TCF7L1: variants seen among roughly 807,000 people sequenced by gnomAD.
The protein encoded by TCF7L1 is transcription factor 7 like 1, also known as transcription factor 7-like 1.
A neutral mutation model predicts 63.7 loss-of-function variants in TCF7L1; 18 were observed. The observed-to-expected ratio is 0.28, with a 90% CI of 0.20 to 0.42. TCF7L1 has a LOEUF of 0.42. TCF7L1 is among the 10% of genes least tolerant of loss of function. TCF7L1 has a pLI of 1.00. For missense variants in TCF7L1, 654 were observed against 779.3 expected (o/e 0.84, Z 1.91); for synonymous variants, 355 against 340.9 (o/e 1.04, Z -0.46).
chr2:85,218,249 T>C (rs1679755878), intron 3 of TCF7L1, among the ~76,000 whole-genome samples: 1 of 151,014 alleles, frequency 6.6e-6, no homozygotes, highest in African/African-American at 2.4e-5. Flanking sequence ...TATTTATTTA[T>C]TTATTTATTT....
intron 3 of TCF7L1, among the ~76,000 whole-genome samples, chr2:85,213,987 C>T (rs560117093): frequency 1.3e-5 from 2 of 152,336 alleles, no homozygotes; most frequent in East Asian, 1.9e-4. Flanking sequence ...GTGGGATGCT[C>T]CTGCTGCCAT....
chr2:85,299,860 A>AACACACACGCACACACAC (rs1553408438), intron 4 of TCF7L1, among the ~76,000 whole-genome samples: 1 of 92,706 alleles, frequency 1.1e-5, no homozygotes, highest in Non-Finnish European at 2.0e-5. Flanking sequence ...CCTTGTCTCA[A>AACACACACGCACACACAC]ACACACACAC....
chr2:85,309,678 T>C lies in TCF7L1; in HGVS notation c.*216T>C, dbSNP rs553400504. 9.3e-5 allele frequency: 44 copies of C among 475,486 alleles called. No homozygotes were observed. The Middle Eastern group carries it at 2.2e-3, about 24-fold the overall frequency. 29.5% of individuals were successfully genotyped at this position (475,486 alleles called of 1,614,324 possible). ...AAACAAAACAACAAAAAAAAATCTT[T>C]ATAAGAAAGAGAACTGAAAAGTAGC... is the stretch of plus-strand genomic sequence containing the variant. On this transcript the variant is annotated 3_prime_UTR_variant, in exon 12 of 12. Coordinates refer to ENST00000282111, the MANE Select transcript of TCF7L1 (RefSeq NM_031283.3).
chr2:85,246,929 G>A (rs1680480629), intron 3 of TCF7L1, among the ~76,000 whole-genome samples: 1 of 152,196 alleles, frequency 6.6e-6, no homozygotes, highest in African/African-American at 2.4e-5. Flanking sequence ...ACCATTCTCT[G>A]TAAAGAGTGA....
intron 3 of TCF7L1, among the ~76,000 whole-genome samples, chr2:85,203,026 G>A (rs576126801): frequency 2.2e-4 from 34 of 152,136 alleles, no homozygotes; most frequent in Admixed American, 1.2e-3. Context: ...TGGTAGAGAC[G>A]GGGTTTCACC....
Position 85,270,881 on chromosome 2 carries a change from G to A in TCF7L1, c.442-12614G>A, listed in dbSNP as rs1218723409. On this transcript the variant is annotated intron_variant, in intron 3 of 11. Coordinates refer to ENST00000282111, the MANE Select transcript of TCF7L1 (RefSeq NM_031283.3). ...ATTTTTTTTGTATTTTTGTAGAGAC[G>A]GGGTCTCATCTAACTTTGTTTCCCA... 5.9e-5 allele frequency among the ~76,000 whole-genome samples: 9 copies of A among 151,858 alleles called. 1 individual carries two copies. In the East Asian group the frequency reaches 7.7e-4, roughly 13 times the overall value.
chr2:85,268,304 A>C (rs1420318395), intron 3 of TCF7L1, among the ~76,000 whole-genome samples: 5 of 152,138 alleles, frequency 3.3e-5, no homozygotes, highest in Admixed American at 6.5e-5. Flanking sequence ...CTTTGCAGAC[A>C]ACATTTCCAC....
chr2:85,157,813 G>T (rs1678184098), intron 3 of TCF7L1, among the ~76,000 whole-genome samples: 1 of 152,220 alleles, frequency 6.6e-6, no homozygotes, highest in South Asian at 2.1e-4. Context: ...AGCTGGGTAG[G>T]GGCAGGATGG....
chr2:85,248,754 C>G (rs576561530), intron 3 of TCF7L1, among the ~76,000 whole-genome samples: 1 of 152,318 alleles, frequency 6.6e-6, no homozygotes, highest in East Asian at 1.9e-4. Flanking sequence ...GGTGGATAAC[C>G]TTGCCAATAA....
chr2:85,242,199 C>G (rs1680349825), intron 3 of TCF7L1, among the ~76,000 whole-genome samples: 1 of 152,086 alleles, frequency 6.6e-6, no homozygotes, highest in African/African-American at 2.4e-5. Context: ...CATAATTCTT[C>G]CATTGATACC....
chr2:85,286,041 A>G (rs565684914), intron 4 of TCF7L1, among the ~76,000 whole-genome samples: 1 of 152,086 alleles, frequency 6.6e-6, no homozygotes, highest in East Asian at 1.9e-4. Context: ...AAAATACAAA[A>G]TTAGCCAGGC....
chr2:85,295,045 T>G (rs1006657575), intron 4 of TCF7L1, among the ~76,000 whole-genome samples: 1 of 152,038 alleles, frequency 6.6e-6, no homozygotes, highest in South Asian at 2.1e-4. Context: ...AAAAATTTTT[T>G]TAAATAAAAT....
chr2:85,289,845 T>C (rs1311367913), intron 4 of TCF7L1, among the ~76,000 whole-genome samples: 1 of 152,022 alleles, frequency 6.6e-6, no homozygotes, highest in African/African-American at 2.4e-5. Flanking sequence ...CTAATTTTTT[T>C]GTATTTTTAG....
rs372278506 is a variant in TCF7L1, at chr2:85,212,515, A to G, written c.442-70980A>G. Among the ~76,000 whole-genome samples, 68 of 151,856 alleles carry G rather than the reference A, an allele frequency of 4.5e-4. 1 individual carries two copies. The highest frequency in any genetic ancestry group is 1.6e-3 in the African/African-American group (66 of 41,338). On this transcript the variant is annotated intron_variant, in intron 3 of 11. Transcript: ENST00000282111. ...TGCTCTGTGGGTCGGAAGAAGGAAA[A>G]CTCATCACAGCCTGGGGATTGATGG...
intron 3 of TCF7L1, among the ~76,000 whole-genome samples, chr2:85,282,431 CAT>C (rs556971775): frequency 1.1e-3 from 173 of 152,364 alleles, no homozygotes; most frequent in South Asian, 2.3e-3. Context: ...ACTAAGACAA[CAT>C]GTGTGCTTTT....
chr2:85,261,413 G>A (rs1680855082), intron 3 of TCF7L1, among the ~76,000 whole-genome samples: 1 of 152,212 alleles, frequency 6.6e-6, no homozygotes, highest in Admixed American at 6.5e-5. Flanking sequence ...TTTGAAGCAT[G>A]TGTGTGCTCA....
At chr2:85,263,212 G>A (rs888561034) in intron 3 of TCF7L1, among the ~76,000 whole-genome samples, 1 of 152,106 alleles carries the variant, frequency 6.6e-6, no homozygotes, top group Admixed American at 6.6e-5. Flanking sequence ...ATGGATGGAG[G>A]GTGTTGTTGG....
intron 3 of TCF7L1, among the ~76,000 whole-genome samples, chr2:85,223,213 C>G (rs1051324266): frequency 1.3e-5 from 2 of 152,200 alleles, no homozygotes; most frequent in African/African-American, 4.8e-5. Context: ...TCCTGAGTAG[C>G]TGGGACTATA....
At chr2:85,289,103 A>G (rs1681625665) in intron 4 of TCF7L1, among the ~76,000 whole-genome samples, 1 of 152,196 alleles carries the variant, frequency 6.6e-6, no homozygotes, top group Non-Finnish European at 1.5e-5. Flanking sequence ...TCTTTTTTTG[A>G]AACCGTAAAA....
Sources: gnomAD v4.1 joint callset for allele counts (sites outside exome capture counted in the v4.1 genomes callset) on GRCh38, gnomAD v4.1.1 for gene constraint, MANE v1.5 for transcripts, NCBI Gene and HGNC (gene_info 2026-07-23, HGNC 2026-07-21) for gene names.